Variants in SLC45A4 observed in about 807,000 individuals in gnomAD.
SLC45A4 encodes polyamine-transporter SLC45A4.
SLC45A4 carries 32 observed loss-of-function variants against 63.7 expected under a neutral mutation model. That is an observed-to-expected ratio of 0.50 (90% CI 0.38 to 0.67). The LOEUF (loss-of-function observed/expected upper bound fraction) is 0.67, where lower values mean the gene tolerates loss of function less well. Among genes scored for constraint, SLC45A4 ranks in the 30% least tolerant of loss-of-function variants. The pLI is 0.00. For synonymous variants in SLC45A4, 535 were observed against 510.0 expected, an observed-to-expected ratio of 1.05 and a Z score of -0.66; for missense variants, 1,027 against 1,157.7, an observed-to-expected ratio of 0.89 and a Z score of 1.64.
At chr8:141,279,823 AAC>A (rs370124825) in intron 1 of SLC45A4, among the ~76,000 whole-genome samples, 12 of 152,390 alleles carry the variant, frequency 7.9e-5, no homozygotes, top group African/African-American at 2.9e-4. Flanking sequence ...GGCTATTGTA[AAC>A]AGTGCCTCAG....
At chr8:141,233,791 C>T (rs1003046744) in intron 2 of SLC45A4, among the ~76,000 whole-genome samples, 1 of 152,206 alleles carries the variant, frequency 6.6e-6, no homozygotes. Context: ...GGCTATGGAG[C>T]GTGGCACCCG....
chr8:141,264,304 C>T (rs1359960477), intron 1 of SLC45A4, among the ~76,000 whole-genome samples: 1 of 152,134 alleles, frequency 6.6e-6, no homozygotes, highest in Non-Finnish European at 1.5e-5. Flanking sequence ...GAGTCCACCG[C>T]CAGCCCTGAG....
intron 1 of SLC45A4, among the ~76,000 whole-genome samples, chr8:141,293,493 T>C (rs543895607): frequency 6.6e-6 from 1 of 152,040 alleles, no homozygotes; most frequent in Non-Finnish European, 1.5e-5. Context: ...GCAATGGCAC[T>C]GTACAAAGTG....
intron 2 of SLC45A4, among the ~76,000 whole-genome samples, chr8:141,245,051 A>C (rs550418248): frequency 6.6e-6 from 1 of 151,466 alleles, no homozygotes; most frequent in East Asian, 1.9e-4. Context: ...TTTCCACAGT[A>C]AGTGTGAGGC....
intron 3 of SLC45A4, among the ~76,000 whole-genome samples, chr8:141,220,828 G>A (rs150057866): frequency 6.6e-6 from 1 of 152,392 alleles, no homozygotes; most frequent in East Asian, 1.9e-4. Context: ...GTTCCAGCAG[G>A]GAGGGGAGGG....
chr8:141,247,635 C>T (rs541284484), intron 2 of SLC45A4, among the ~76,000 whole-genome samples: 48 of 152,230 alleles, frequency 3.2e-4, no homozygotes, highest in African/African-American at 6.5e-4. Flanking sequence ...TGGTCTCGAA[C>T]GCCTGAGTTC....
At chr8:141,228,684 G>A in intron 2 of SLC45A4, 1 of 959,704 alleles carries the variant, frequency 1.0e-6, no homozygotes. Flanking sequence ...ATGGCCTTTG[G>A]CCTGAGATTC....
intron 1 of SLC45A4, among the ~76,000 whole-genome samples, chr8:141,300,227 C>G (rs976637292): frequency 1.3e-5 from 2 of 152,310 alleles, no homozygotes; most frequent in African/African-American, 4.8e-5. Flanking sequence ...CTGCTTTCCT[C>G]CAACAAAGCT....
chr8:141,220,269 C>T (rs1379359567), intron 3 of SLC45A4, among the ~76,000 whole-genome samples: 8 of 152,146 alleles, frequency 5.3e-5, no homozygotes, highest in African/African-American at 9.7e-5. Flanking sequence ...GATGAGGCTT[C>T]GCGAGGCAGG....
At chr8:141,246,653 C>T (rs190386871) in intron 2 of SLC45A4, among the ~76,000 whole-genome samples, 5 of 24,378 alleles carry the variant, frequency 2.1e-4, no homozygotes, top group East Asian at 7.0e-4. Flanking sequence ...GTGAAGGTCA[C>T]GGGGTCACAC....
intron 1 of SLC45A4, among the ~76,000 whole-genome samples, chr8:141,258,744 A>G (rs908542080): frequency 2.0e-5 from 3 of 152,152 alleles, no homozygotes; most frequent in Non-Finnish European, 4.4e-5. Flanking sequence ...TTTTTTAATT[A>G]GCCAGATGTG....
chr8:141,299,286 A>C (rs972582158), intron 1 of SLC45A4, among the ~76,000 whole-genome samples: 1 of 152,194 alleles, frequency 6.6e-6, no homozygotes, highest in Non-Finnish European at 1.5e-5. Flanking sequence ...ACGGAAGGAG[A>C]AAGCGGACGG....
At chr8:141,231,056 A>G (rs1256321956) in intron 2 of SLC45A4, among the ~76,000 whole-genome samples, 2 of 152,182 alleles carry the variant, frequency 1.3e-5, no homozygotes, top group Non-Finnish European at 2.9e-5. Flanking sequence ...GGGAAAGACC[A>G]GCACCTGACA....
In SLC45A4 at chr8:141,211,396, G is replaced by A; in HGVS notation, c.*176C>T. ...AGCTCACGCTCCGCCCCCAGGTGGTGCCCAGCCCATCCCTGGGCAGGGTGT... is the reference window on the plus strand; with the variant it reads ...AGCTCACGCTCCGCCCCCAGGTGGTACCCAGCCCATCCCTGGGCAGGGTGT... On this transcript the variant is annotated 3_prime_UTR_variant, in exon 9 of 9. Transcript: ENST00000517878. The A allele has an allele frequency of 6.6e-7, 1 of 1,524,762 alleles. No homozygotes were observed. Among genetic ancestry groups the A allele is most frequent in the Non-Finnish European group, 8.8e-7 (1 of 1,138,648 alleles). The allele number at this position is 1,524,762 out of a possible 1,614,324, so 94.5% of individuals were successfully genotyped here.
chr8:141,217,579 G>A (rs943437154), intron 5 of SLC45A4, among the ~76,000 whole-genome samples: 6 of 152,214 alleles, frequency 3.9e-5, no homozygotes, highest in Admixed American at 1.3e-4. Flanking sequence ...AGGCCCGAGC[G>A]TGTGCTGAGG....
In SLC45A4 at chr8:141,219,760, A is replaced by T; in HGVS notation, c.500T>A (p.Val167Asp). ...GIVLTVLGVV[V>D]LDFSADATEG... ...GGTGGCATCGGCGCTGAAGTCCAGG[A>T]CCACCACTCCCAGCACCGTGAGCAC... Residue 167 changes from valine to aspartate, a missense_variant, in exon 4 of 9, where the codon GTC (valine) becomes GAC (aspartate). Val to Asp is a radical substitution (Grantham distance 152). Transcript: ENST00000517878. 6.2e-7 allele frequency: 1 copy of T among 1,601,964 alleles called. No homozygotes were observed. Among genetic ancestry groups the T allele is most frequent in the Non-Finnish European group, 8.5e-7 (1 of 1,174,872 alleles).
intron 2 of SLC45A4, among the ~76,000 whole-genome samples, chr8:141,246,405 C>A (rs1828195051): frequency 6.6e-6 from 1 of 152,242 alleles, no homozygotes; most frequent in Non-Finnish European, 1.5e-5. Context: ...GACTGAGAGC[C>A]TCGGCCCTGG....
At chr8:141,238,302 T>G (rs186678317) in intron 2 of SLC45A4, among the ~76,000 whole-genome samples, 1 of 152,176 alleles carries the variant, frequency 6.6e-6, no homozygotes, top group African/African-American at 2.4e-5. Context: ...TTTTTTCACA[T>G]TTTTATTGTG....
intron 1 of SLC45A4, among the ~76,000 whole-genome samples, chr8:141,255,883 C>T (rs1401764016): frequency 6.6e-6 from 1 of 152,088 alleles, no homozygotes; most frequent in Admixed American, 6.6e-5. Context: ...GTTATAAAAC[C>T]TCTTGGGAAT....
Sources: allele counts gnomAD v4.1 joint callset (sites outside exome capture counted in the v4.1 genomes callset), GRCh38; gene constraint gnomAD v4.1.1; transcripts MANE v1.5; gene names NCBI Gene and HGNC (gene_info 2026-07-23, HGNC 2026-07-21).